RAB28: variants seen among roughly 807,000 people sequenced by gnomAD.
RAB28 encodes the protein ras-related protein Rab-28.
RAB28 carries 24 observed loss-of-function variants against 31.7 expected under a neutral mutation model. That is an observed-to-expected ratio of 0.76 (90% CI 0.55 to 1.06). The LOEUF is 1.06. Among genes scored for constraint, RAB28 ranks in the 50% least tolerant of loss-of-function variants. The probability of loss-of-function intolerance (pLI) is 0.00; values close to 1 mark genes in which losing one functional copy is unlikely to be tolerated. For missense variants in RAB28, 254 were observed against 258.5 expected, an observed-to-expected ratio of 0.98 and a Z score of 0.12; for synonymous variants, 100 against 90.4, an observed-to-expected ratio of 1.11 and a Z score of -0.60.
At chr4:13,412,066 A>G (rs1201083492) in intron 4 of RAB28, among the ~76,000 whole-genome samples, 2 of 152,200 alleles carry the variant, frequency 1.3e-5, no homozygotes, top group Admixed American at 6.5e-5. Flanking sequence ...TGCTGAACCT[A>G]TGAAACATCT....
At chr4:13,451,610 T>A in intron 4 of RAB28, among the ~76,000 whole-genome samples, 1 of 151,892 alleles carries the variant, frequency 6.6e-6, no homozygotes, top group East Asian at 1.9e-4. Flanking sequence ...TATTTTTGCT[T>A]TTGTTGCCTA....
At chr4:13,456,133 T>A (rs1715287116) in intron 4 of RAB28, among the ~76,000 whole-genome samples, 1 of 152,218 alleles carries the variant, frequency 6.6e-6, no homozygotes, top group South Asian at 2.1e-4. Flanking sequence ...AATGGCTAGC[T>A]TAATACACAT....
chr4:13,474,060 T>G (rs905361064), intron 3 of RAB28: 3 of 585,836 alleles, frequency 5.1e-6, no homozygotes, highest in African/African-American at 1.8e-5. Flanking sequence ...TTTATTGAAC[T>G]GCTAACAATA....
At chr4:13,434,796 A>G (rs1355608846) in intron 4 of RAB28, among the ~76,000 whole-genome samples, 2 of 152,158 alleles carry the variant, frequency 1.3e-5, no homozygotes, top group Non-Finnish European at 2.9e-5. Context: ...AGCTGGGCAG[A>G]TCATTTGAGG....
intron 4 of RAB28, among the ~76,000 whole-genome samples, chr4:13,412,353 T>C (rs1712486155): frequency 6.6e-6 from 1 of 151,974 alleles, no homozygotes; most frequent in Non-Finnish European, 1.5e-5. Context: ...TCAGGAGAGC[T>C]GGGGGTGGGA....
chr4:13,463,775 C>G (rs535434862), intron 3 of RAB28, among the ~76,000 whole-genome samples: 19 of 152,022 alleles, frequency 1.2e-4, no homozygotes, highest in Non-Finnish European at 2.5e-4. Context: ...TTTCCTTGTT[C>G]TTGCCATCAT....
intron 4 of RAB28, among the ~76,000 whole-genome samples, chr4:13,439,086 G>A (rs576645829): frequency 2.6e-5 from 4 of 152,228 alleles, no homozygotes; most frequent in South Asian, 2.1e-4. Flanking sequence ...CTAGGGAAAT[G>A]TATGTTCAAA....
chr4:13,474,037 A>G (rs1716236664), intron 3 of RAB28: 1 of 512,172 alleles, frequency 2.0e-6, no homozygotes, highest in African/African-American at 1.9e-5. Flanking sequence ...TCAAAATATC[A>G]TTTATCACTG....
In RAB28 at chr4:13,460,696, T is replaced by TA; in HGVS notation, c.391+2dup. On this transcript the variant is annotated splice_region_variant and intron_variant, in intron 4 of 6. Transcript: ENST00000330852. ...CATACATAAACAAGCAGTAATAACT[T>TA]ACTTTTATTGCCTACCAAGGCAACC... is the stretch of plus-strand genomic sequence containing the variant. The TA allele has an allele frequency of 6.2e-7, 1 of 1,613,920 alleles. No individual in the cohort carries two copies. The highest frequency in any genetic ancestry group is 8.5e-7 in the Non-Finnish European group (1 of 1,179,868).
chr4:13,398,610 C>T (rs1435348720), intron 4 of RAB28, among the ~76,000 whole-genome samples: 1 of 151,980 alleles, frequency 6.6e-6, no homozygotes, highest in Non-Finnish European at 1.5e-5. Flanking sequence ...AACCCCATCT[C>T]TACTAAAAAT....
chr4:13,373,156 G>A (rs1164182854), intron 6 of RAB28, among the ~76,000 whole-genome samples: 1 of 152,106 alleles, frequency 6.6e-6, no homozygotes, highest in Admixed American at 6.6e-5. Context: ...AGGACTGAAA[G>A]GACTATGCTT....
chr4:13,396,762 T>C (rs1169940918), intron 4 of RAB28, among the ~76,000 whole-genome samples: 1 of 152,132 alleles, frequency 6.6e-6, no homozygotes, highest in East Asian at 1.9e-4. Flanking sequence ...AACTGGGTTT[T>C]AAGTGTTTAC....
chr4:13,440,801 G>T (rs1714373533), intron 4 of RAB28, among the ~76,000 whole-genome samples: 1 of 151,926 alleles, frequency 6.6e-6, no homozygotes, highest in Non-Finnish European at 1.5e-5. Flanking sequence ...CCATATGCAT[G>T]GACCCTAATT....
intron 4 of RAB28, among the ~76,000 whole-genome samples, chr4:13,443,041 T>G (rs559883770): frequency 2.6e-5 from 4 of 152,336 alleles, no homozygotes; most frequent in South Asian, 2.1e-4. Context: ...CTTTTAAACT[T>G]GAAATTTTGA....
At position 13,376,527 on chromosome 4, in the gene RAB28, A is replaced by G; in HGVS notation, c.573+18T>C. On this transcript the variant is annotated intron_variant, in intron 6 of 6. Coordinates refer to ENST00000330852, the MANE Select transcript of RAB28 (RefSeq NM_001017979.3). ...AGAAATTCATTAATTTTTTAAATAT[A>G]AAGTTCAAGGTAATCACCTGTGACT... 6.4e-7 allele frequency: 1 copy of G among 1,554,086 alleles called. No homozygotes were observed. The highest frequency in any genetic ancestry group is 2.3e-5 in the East Asian group (1 of 43,926).
chr4:13,482,556 T>C (rs1716655270), intron 1 of RAB28, among the ~76,000 whole-genome samples: 1 of 152,126 alleles, frequency 6.6e-6, no homozygotes, highest in African/African-American at 2.4e-5. Context: ...GAGAAAACTA[T>C]AAAAATCTAA....
rs1328767121 is a variant in RAB28 at position 13,376,615 on chromosome 4, AG to A, written c.502del (p.Leu168CysfsTer15). The A allele has an allele frequency of 1.9e-6, 3 of 1,599,482 alleles. No individual in the cohort carries two copies. The African/African-American group carries it at 4.0e-5, about 21-fold the overall frequency. ...VSAKTGDSVF[L>X]CFQKVAAEIL... ...TTCAGCAGCAACTTTCTGAAAGCAC[AG>A]GAAGACCTACATAACAAAAATGGGT... On this transcript the variant is annotated frameshift_variant, in exon 6 of 7. Transcript: ENST00000330852. LOFTEE classifies it high-confidence loss of function.
chr4:13,383,358 TTTTA>T (rs1240593728), intron 4 of RAB28, among the ~76,000 whole-genome samples: 2 of 152,104 alleles, frequency 1.3e-5, no homozygotes, highest in Non-Finnish European at 2.9e-5. Context: ...GTTTATTGCT[TTTTA>T]TTTCTCTTTC....
intron 4 of RAB28, among the ~76,000 whole-genome samples, chr4:13,420,490 T>C (rs1363652489): frequency 6.6e-6 from 1 of 151,578 alleles, no homozygotes; most frequent in Admixed American, 6.6e-5. Flanking sequence ...CTGATGAACA[T>C]CCACGTGAAA....
Sources: gnomAD v4.1 joint callset for allele counts (sites outside exome capture counted in the v4.1 genomes callset) on GRCh38, gnomAD v4.1.1 for gene constraint, MANE v1.5 for transcripts, NCBI Gene and HGNC (gene_info 2026-07-23, HGNC 2026-07-21) for gene names.